RBFOX3: variants seen among roughly 807,000 people sequenced by gnomAD.
The protein encoded by RBFOX3 is RNA binding protein fox-1 homolog 3.
RBFOX3 carries 17 observed loss-of-function variants against 48.7 expected under a neutral mutation model. The ratio of observed to expected loss-of-function variants is 0.35; its 90% CI spans 0.24 to 0.52. The LOEUF (loss-of-function observed/expected upper bound fraction) is 0.52. Ranked by LOEUF, RBFOX3 falls within the 20% of genes least tolerant of loss-of-function variation. The probability of loss-of-function intolerance (pLI) is 0.94; values close to 1 mark genes in which losing one functional copy is unlikely to be tolerated. For synonymous variants in RBFOX3, 212 were observed against 209.5 expected (o/e 1.01, Z -0.10); for missense variants, 382 against 497.5 (o/e 0.77, Z 2.21).
At chr17:79,096,926 C>G (rs1458659584) in intron 11 of RBFOX3, 93 bp from the exon 12 acceptor site, 9 of 609,336 alleles carry the variant, frequency 1.5e-5, no homozygotes, top group Non-Finnish European at 2.6e-5. Flanking sequence ...CCCCAGGCAG[C>G]TGTGCCCCCC....
Position 79,277,699 on chromosome 17 carries a change from C to T in RBFOX3, c.-74+30025G>A, listed in dbSNP as rs551868893. Among the ~76,000 whole-genome samples the T allele has an allele frequency of 7.9e-5, 12 of 152,156 alleles. No individual in the cohort carries two copies. In the East Asian group the frequency reaches 1.4e-3, roughly 17 times the overall value. On this transcript the variant is annotated intron_variant, in intron 3 of 14. Transcript: ENST00000693108. ...TGGGTCAAGGGTCAAGTCACTGTTGCGGGTGGAGGCTTGGAAGGAGGGTTG... is the reference window on the plus strand; with the variant it reads ...TGGGTCAAGGGTCAAGTCACTGTTGTGGGTGGAGGCTTGGAAGGAGGGTTG...
chr17:79,415,240 A>G (rs2065137682), intron 2 of RBFOX3, among the ~76,000 whole-genome samples: 1 of 152,226 alleles, frequency 6.6e-6, no homozygotes, highest in Non-Finnish European at 1.5e-5. Flanking sequence ...GTTTAAGCCC[A>G]GATGAGTTCC....
At chr17:79,293,370 C>T (rs1287077291) in intron 3 of RBFOX3, among the ~76,000 whole-genome samples, 1 of 135,570 alleles carries the variant, frequency 7.4e-6, no homozygotes, top group Non-Finnish European at 1.6e-5. Context: ...TCCCCTCCCC[C>T]TCCCTCCCCT....
At chr17:79,515,172 G>A (rs1555782905) in intron 1 of RBFOX3, among the ~76,000 whole-genome samples, 1 of 152,218 alleles carries the variant, frequency 6.6e-6, no homozygotes, top group Non-Finnish European at 1.5e-5. Flanking sequence ...TTCCGGAGGA[G>A]CAACACTCAA....
intron 1 of RBFOX3, among the ~76,000 whole-genome samples, chr17:79,512,335 C>T (rs1391626852): frequency 5.3e-5 from 7 of 131,152 alleles, no homozygotes; most frequent in Admixed American, 7.4e-5. Context: ...ATACGTGTTA[C>T]CATCGGATAC....
rs1223302326 is a variant in RBFOX3, at chr17:79,199,445, A to G, written c.-34+36321T>C. 6.6e-6 allele frequency among the ~76,000 whole-genome samples: 1 copy of G among 151,992 alleles called. No individual in the cohort carries two copies. Among genetic ancestry groups the G allele is most frequent in the Non-Finnish European group, 1.5e-5 (1 of 68,000 alleles). ...GAGTTGCAGATCTTGGGGGTCTCTC[A>G]GTGGGGGAAATCAGCCCAGGTGGGA... On this transcript the variant is annotated intron_variant, in intron 4 of 14. Coordinates refer to ENST00000693108, the MANE Select transcript of RBFOX3 (RefSeq NM_001350451.2). The surrounding 1 kb of genome is among the most constrained non-coding windows in gnomAD (Gnocchi z 5.1).
chr17:79,411,495 C>T (rs1302771494), intron 2 of RBFOX3, among the ~76,000 whole-genome samples: 1 of 152,176 alleles, frequency 6.6e-6, no homozygotes, highest in Non-Finnish European at 1.5e-5. Flanking sequence ...CCACCCTTCT[C>T]CCACCTCCCC....
chr17:79,147,735 G>A lies in RBFOX3; in HGVS notation c.-33-31987C>T, dbSNP rs566519264. ...GGCCTTGTCCGCCACCCACAAGTGT[G>A]TCCAGGCAGGCTCTGCGCCCCTGGT... On this transcript the variant is annotated intron_variant, in intron 4 of 14. Transcript: ENST00000693108. 5.7e-4 allele frequency among the ~76,000 whole-genome samples: 87 copies of A among 152,346 alleles called. 1 individual carries two copies. Among genetic ancestry groups the A allele is most frequent in the African/African-American group, 2.1e-3 (86 of 41,580 alleles).
At chr17:79,102,891 C>T (rs192143563) in intron 8 of RBFOX3, among the ~76,000 whole-genome samples, 194 of 152,308 alleles carry the variant, frequency 1.3e-3, no homozygotes, top group Non-Finnish European at 2.4e-3. Flanking sequence ...GGGGCTCCTC[C>T]AGTGTCTGGT....
chr17:79,645,731 A>G, the RBFOX3 span, among the ~76,000 whole-genome samples: 1 of 152,218 alleles, frequency 6.6e-6, no homozygotes. Context: ...CACTTAAGGC[A>G]CAGGGCTGCC....
the RBFOX3 span, among the ~76,000 whole-genome samples, chr17:79,633,776 A>C: frequency 3.4e-4 from 52 of 152,166 alleles, no homozygotes; most frequent in African/African-American, 1.1e-3. Flanking sequence ...TCCTTCTCTC[A>C]TCCTTCCAAC....
chr17:79,222,485 T>C (rs2059854123), intron 4 of RBFOX3, among the ~76,000 whole-genome samples: 1 of 152,228 alleles, frequency 6.6e-6, no homozygotes, highest in Non-Finnish European at 1.5e-5. Context: ...GGGCCAGAGC[T>C]CTGGGGACTC....
At chr17:79,153,254 C>A (rs1466077317) in intron 4 of RBFOX3, among the ~76,000 whole-genome samples, 1 of 152,220 alleles carries the variant, frequency 6.6e-6, no homozygotes, top group African/African-American at 2.4e-5. Context: ...CCTGTGATCA[C>A]CCCATTTCCC....
intron 2 of RBFOX3, among the ~76,000 whole-genome samples, chr17:79,422,460 G>A (rs1016136054): frequency 8.5e-5 from 13 of 152,150 alleles, no homozygotes; most frequent in Middle Eastern, 3.4e-3. Flanking sequence ...TGCCCGAGCC[G>A]GCTGCTGCCC....
At chr17:79,365,798 G>C (rs1295109873) in intron 2 of RBFOX3, among the ~76,000 whole-genome samples, 1 of 152,230 alleles carries the variant, frequency 6.6e-6, no homozygotes, top group Non-Finnish European at 1.5e-5. Context: ...GAGGGCAGGG[G>C]CAGGCACCTG....
rs541026591 is a variant in RBFOX3 at position 79,280,071 on chromosome 17, G to A, written c.-74+27653C>T. ...CCCCTATGGGAAGAGCGAAGCAGCA[G>A]CTAGGGTTGTAGACAGAAGGCACAG... On this transcript the variant is annotated intron_variant, in intron 3 of 14. Coordinates refer to ENST00000693108, the MANE Select transcript of RBFOX3 (RefSeq NM_001350451.2). Among the ~76,000 whole-genome samples, 12 of 152,228 alleles carry A rather than the reference G, an allele frequency of 7.9e-5. No homozygotes were observed. The South Asian group carries it at 1.9e-3, about 24-fold the overall frequency.
intron 4 of RBFOX3, among the ~76,000 whole-genome samples, chr17:79,211,466 C>A (rs2058370276): frequency 6.6e-6 from 1 of 152,220 alleles, no homozygotes; most frequent in Admixed American, 6.5e-5. Flanking sequence ...GTTTTGAGAT[C>A]ATCGTATGCT....
intron 2 of RBFOX3, among the ~76,000 whole-genome samples, chr17:79,407,595 T>G (rs2148519011): frequency 6.6e-6 from 1 of 152,306 alleles, no homozygotes; most frequent in East Asian, 1.9e-4. Context: ...TAAATGAGGC[T>G]CCGCATTTGG....
chr17:79,357,724 T>G, intron 2 of RBFOX3, among the ~76,000 whole-genome samples: 1 of 119,642 alleles, frequency 8.4e-6, no homozygotes. Flanking sequence ...AGGGGGGCGG[T>G]ATAGGGGGGT....
Sources: gnomAD v4.1 joint callset for allele counts (sites outside exome capture counted in the v4.1 genomes callset) on GRCh38, gnomAD v4.1.1 for gene constraint, Gnocchi (gnomAD v3.1) non-coding constraint, MANE v1.5 for transcripts, NCBI Gene and HGNC (gene_info 2026-07-23, HGNC 2026-07-21) for gene names.